LSS: variants seen among roughly 807,000 people sequenced by gnomAD.
LSS encodes 2,3-epoxysqualene-lanosterol cyclase.
A neutral mutation model predicts 110.3 loss-of-function variants in LSS; 90 were observed. The observed-to-expected ratio is 0.82, with a 90% CI of 0.69 to 0.97. LSS has a LOEUF of 0.97. LSS is among the 50% of genes least tolerant of loss of function. The probability of loss-of-function intolerance (pLI) is 0.00; values close to 1 mark genes in which losing one functional copy is unlikely to be tolerated. For missense variants in LSS, 927 were observed against 990.0 expected (o/e 0.94, Z 0.85); for synonymous variants, 433 against 400.0 (o/e 1.08, Z -0.98).
Position 46,189,902 on chromosome 21 carries a change from C to T in LSS, c.*1202G>A. The T allele has an allele frequency of 2.8e-6, 1 of 355,912 alleles. No homozygotes were observed. Among genetic ancestry groups the T allele is most frequent in the South Asian group, 2.0e-5 (1 of 50,078 alleles). The allele number at this position is 355,912 out of a possible 1,614,324, so 22.0% of individuals were successfully genotyped here. On this transcript the variant is annotated 3_prime_UTR_variant, in exon 22 of 22. Coordinates refer to ENST00000397728, the MANE Select transcript of LSS (RefSeq NM_002340.6). ...GCTGCTCATCCACATCAGGCAAAGG[C>T]AAAGCCAGGACCTGAACTTCCCACC...
At chr21:46,228,404 G>A in intron 2 of LSS, 30 bp downstream of exon 2, 1 of 1,597,440 alleles carries the variant, frequency 6.3e-7, no homozygotes, top group African/African-American at 1.3e-5. Context: ...AGGGTCCCGA[G>A]CTCGCTGACG....
Position 46,210,843 on chromosome 21 carries a change from G to T in LSS, c.1138-99C>A, listed in dbSNP as rs189237927. 2.1e-4 allele frequency: 236 copies of T among 1,139,648 alleles called. 1 individual carries two copies. In the African/African-American group the frequency reaches 3.2e-3, roughly 15 times the overall value. The allele number at this position is 1,139,648 out of a possible 1,614,324, so 70.6% of individuals were successfully genotyped here. A position where few individuals can be genotyped will look rare whatever the true frequency, so the allele number is the denominator to read the frequency against. The stretch of plus-strand genomic sequence containing the variant: ...TGGGCGCCTGAGGGCCAGGTGTGGG[G>T]GCTCCCACCCAGCCAACGCTCAGCC... On this transcript the variant is annotated intron_variant, in intron 11 of 21. Transcript: ENST00000397728.
chr21:46,216,489 G>C lies in LSS; in HGVS notation c.683C>G (p.Thr228Arg). Residue 228 changes from threonine (T) to arginine (R), a missense_variant, in exon 7 of 22, where the codon ACA becomes AGA. By Grantham distance (71) the Thr-to-Arg change is moderately conservative. Coordinates refer to ENST00000397728, the MANE Select transcript of LSS (RefSeq NM_002340.6). This position sits in a 1 kb window ranked among gnomAD's most constrained non-coding sequence, Gnocchi z 4.2. ...CACCTGCCGGCAGTGGCACCAGAGTGTGGAGGGGTGTGCCGGTGCCCAGTC... is the reference window on the plus strand; with the variant it reads ...CACCTGCCGGCAGTGGCACCAGAGTCTGGAGGGGTGTGCCGGTGCCCAGTC... ...FPDWAPAHPSTLWCHCRQVYL... is the reference protein window; with the variant it reads ...FPDWAPAHPSRLWCHCRQVYL... 6.2e-7 allele frequency: 1 copy of C among 1,611,490 alleles called. No homozygotes were observed. Among genetic ancestry groups the C allele is most frequent in the Non-Finnish European group, 8.5e-7 (1 of 1,178,258 alleles).
Position 46,212,988 on chromosome 21 carries a change from C to T in LSS, c.1137+37G>A, listed in dbSNP as rs2080152838. 3 of 1,613,296 alleles carry T rather than the reference C, an allele frequency of 1.9e-6. No individual in the cohort carries two copies. In the African/African-American group the frequency reaches 4.0e-5, roughly 22 times the overall value. On this transcript the variant is annotated intron_variant, in intron 11 of 21. Coordinates refer to ENST00000397728, the MANE Select transcript of LSS (RefSeq NM_002340.6). ...AAATAATAAAGGGGAGACATGATTG[C>T]AAAGGAAGCATGCAGCCGCAGTCCC...
intron 3 of LSS, among the ~76,000 whole-genome samples, chr21:46,225,623 C>T (rs2080329022): frequency 6.6e-6 from 1 of 152,220 alleles, no homozygotes; most frequent in Admixed American, 6.5e-5. Context: ...CCCTGTACAC[C>T]TGGCTCTGCC....
In LSS at chr21:46,216,314, T is replaced by C; in HGVS notation, c.783+75A>G. The C allele has an allele frequency of 6.3e-7, 1 of 1,591,564 alleles. No homozygotes were observed. Among genetic ancestry groups the C allele is most frequent in the Non-Finnish European group, 8.6e-7 (1 of 1,163,860 alleles). On this transcript the variant is annotated intron_variant, in intron 7 of 21. Coordinates refer to ENST00000397728, the MANE Select transcript of LSS (RefSeq NM_002340.6). The surrounding 1 kb of genome is among the most constrained non-coding windows in gnomAD (Gnocchi z 4.2). ...CCACCAGGTGAGTGGACAGGTGTGG[T>C]TAGATTCCAGAAGCCCCAGGCCCTG...
At chr21:46,226,351 C>T (rs1040260588) in intron 3 of LSS, among the ~76,000 whole-genome samples, 1 of 152,234 alleles carries the variant, frequency 6.6e-6, no homozygotes, top group East Asian at 1.9e-4. Flanking sequence ...GCTGACCCAT[C>T]TCCTGACCAA....
At chr21:46,193,202 T>C (rs2079852175) in intron 20 of LSS, 1 of 447,952 alleles carries the variant, frequency 2.2e-6, no homozygotes, top group Non-Finnish European at 4.4e-6. Flanking sequence ...ACAGATGGGA[T>C]GCTGTGGGTG....
At chr21:46,201,078 G>A (rs914731506) in intron 17 of LSS, among the ~76,000 whole-genome samples, 1 of 145,288 alleles carries the variant, frequency 6.9e-6, no homozygotes, top group East Asian at 2.0e-4. Flanking sequence ...CCTGGATCAC[G>A]TGGGAGGACA....
chr21:46,191,222 C>G lies in LSS; in HGVS notation c.2081G>C (p.Gly694Ala). ...NGDWPQENIA[G>A]VFNKSCAISY... Reference sequence around the variant, plus strand: ...GATGGCACAGGACTTGTTGAAGACCCCAGCAATGTTTTCCTAAAAGAACAC... The same window carrying G: ...GATGGCACAGGACTTGTTGAAGACCGCAGCAATGTTTTCCTAAAAGAACAC... Residue 694 changes from glycine (G) to alanine (A), a missense_variant, in exon 22 of 22, where the codon GGG (glycine) becomes GCG (alanine). By Grantham distance (60) the Gly-to-Ala change is moderately conservative (BLOSUM62 0). Coordinates refer to ENST00000397728, the MANE Select transcript of LSS (RefSeq NM_002340.6). The G allele has an allele frequency of 6.2e-7, 1 of 1,614,076 alleles. No homozygotes were observed. The highest frequency in any genetic ancestry group is 8.5e-7 in the Non-Finnish European group (1 of 1,180,002).
At chr21:46,205,635 C>G (rs1201031998) in intron 17 of LSS, among the ~76,000 whole-genome samples, 2 of 152,220 alleles carry the variant, frequency 1.3e-5, no homozygotes, top group Non-Finnish European at 2.9e-5. Flanking sequence ...TGTATCATAA[C>G]TGTGCTATTC....
chr21:46,227,430 C>T (rs1291428376), intron 3 of LSS, 122 bp downstream of exon 3: 2 of 1,268,380 alleles, frequency 1.6e-6, no homozygotes, highest in African/African-American at 1.5e-5. Context: ...AGTTTGCCAG[C>T]CCTTTTCTTG....
intron 17 of LSS, among the ~76,000 whole-genome samples, chr21:46,200,240 C>T (rs556758024): frequency 2.0e-5 from 3 of 152,102 alleles, no homozygotes; most frequent in African/African-American, 7.2e-5. Flanking sequence ...TGGAAGAACA[C>T]CAACTAATAC....
intron 19 of LSS, among the ~76,000 whole-genome samples, chr21:46,195,408 C>A (rs189285011): frequency 1.8e-3 from 281 of 152,308 alleles, no homozygotes; most frequent in Non-Finnish European, 3.0e-3. Flanking sequence ...TCCATCTCTA[C>A]ATAAAAGTTT....
intron 13 of LSS, 47 bp from the exon 14 acceptor site, chr21:46,208,348 C>A: frequency 6.8e-7 from 1 of 1,474,484 alleles, no homozygotes; most frequent in Non-Finnish European, 9.3e-7. Context: ...CACGTCACCA[C>A]GGGACGTCCC....
rs376009325 is a variant in LSS, at chr21:46,213,848, C to T, written c.1012-13G>A. 2.1e-4 allele frequency: 333 copies of T among 1,603,242 alleles called. No individual in the cohort carries two copies. Among genetic ancestry groups the T allele is most frequent in the Non-Finnish European group, 2.7e-4 (317 of 1,171,174 alleles). ...TGGTTTTCGAGATCTGCAGGAGAGA[C>T]AGCCCTGTCAAGGCTCCGCTCCAGA... On this transcript the variant is annotated splice_polypyrimidine_tract_variant and intron_variant, in intron 9 of 21. Coordinates refer to ENST00000397728, the MANE Select transcript of LSS (RefSeq NM_002340.6).
Position 46,190,980 on chromosome 21 carries a change from A to G in LSS, c.*124T>C. ...CCTCCAGCCTGGCCCCCAGATTCAC[A>G]TCTATGAGATAGAGGTTGAGGGGTT... is the stretch of plus-strand genomic sequence containing the variant. On this transcript the variant is annotated 3_prime_UTR_variant, in exon 22 of 22. Transcript: ENST00000397728. The surrounding 1 kb of genome is among the most constrained non-coding windows in gnomAD (Gnocchi z 4.6). 2 of 1,175,746 alleles carry G rather than the reference A, an allele frequency of 1.7e-6. No individual in the cohort carries two copies. Among genetic ancestry groups the G allele is most frequent in the African/African-American group, 1.5e-5 (1 of 65,294 alleles). The allele number at this position is 1,175,746 out of a possible 1,614,324, so 72.8% of individuals were successfully genotyped here.
chr21:46,215,091 A>T (rs1455052774), intron 9 of LSS, 89 bp downstream of exon 9: 1 of 1,077,288 alleles, frequency 9.3e-7, no homozygotes, highest in Non-Finnish European at 1.4e-6. Context: ...AGGAAACCCC[A>T]CTCCCAGCTC....
At chr21:46,203,709 T>C (rs1461292816) in intron 17 of LSS, among the ~76,000 whole-genome samples, 1 of 152,214 alleles carries the variant, frequency 6.6e-6, no homozygotes, top group Non-Finnish European at 1.5e-5. Context: ...CCCTCCTAGC[T>C]GCACCTGTGA....
Sources: allele counts gnomAD v4.1 joint callset (sites outside exome capture counted in the v4.1 genomes callset), GRCh38; gene constraint gnomAD v4.1.1; non-coding constraint Gnocchi (gnomAD v3.1); transcripts MANE v1.5; gene names NCBI Gene and HGNC (gene_info 2026-07-23, HGNC 2026-07-21).